TOGARAM2: variants seen among roughly 807,000 people sequenced by gnomAD.
TOGARAM2 encodes TOG array regulator of axonemal microtubules protein 2.
In TOGARAM2, 85 loss-of-function variants were observed where a neutral mutation model predicts 93.3. The ratio of observed to expected loss-of-function variants is 0.91; its 90% CI spans 0.76 to 1.09. The LOEUF (loss-of-function observed/expected upper bound fraction) is 1.09, where lower values mean the gene tolerates loss of function less well. TOGARAM2 is among the 50% of genes least tolerant of loss of function. The pLI, the probability that TOGARAM2 is intolerant of heterozygous loss-of-function variation, is 0.00. For missense variants in TOGARAM2, 1,277 were observed against 1,334.5 expected (o/e 0.96, Z 0.67); for synonymous variants, 593 against 552.8 (o/e 1.07, Z -1.02).
chr2:28,967,798 CTTTTTTT>C (rs11417570), intron 1 of TOGARAM2, among the ~76,000 whole-genome samples: 5 of 78,538 alleles, frequency 6.4e-5, no homozygotes, highest in African/African-American at 1.1e-4. Context: ...ATAAGATGGT[CTTTTTTT>C]TTTTTTTTTT....
intron 8 of TOGARAM2, among the ~76,000 whole-genome samples, chr2:29,016,759 C>T (rs1664599043): frequency 6.6e-6 from 1 of 152,162 alleles, no homozygotes; most frequent in South Asian, 2.1e-4. Context: ...TGACTGTCCC[C>T]AACCAGCCAA....
At chr2:28,973,520 T>C (rs1174141854) in intron 1 of TOGARAM2, among the ~76,000 whole-genome samples, 1 of 135,428 alleles carries the variant, frequency 7.4e-6, no homozygotes, top group East Asian at 2.6e-4. Flanking sequence ...CCCTCCTTCC[T>C]GCCTTCCTGC....
chr2:29,051,676 C>G (rs1183145866), intron 19 of TOGARAM2, 80 bp from the exon 20 acceptor site: 22 of 1,251,128 alleles, frequency 1.8e-5, no homozygotes, highest in Non-Finnish European at 2.4e-5. Flanking sequence ...CTTTGGGGGA[C>G]AAAGTTGGTG....
chr2:29,023,615 C>G (rs1195514217), intron 12 of TOGARAM2, among the ~76,000 whole-genome samples: 1 of 152,138 alleles, frequency 6.6e-6, no homozygotes. Flanking sequence ...AGGCTGTGCC[C>G]TGCCCTTGGG....
chr2:29,031,050 C>T (rs1665740576), intron 14 of TOGARAM2, among the ~76,000 whole-genome samples: 2 of 152,238 alleles, frequency 1.3e-5, no homozygotes, highest in African/African-American at 2.4e-5. Context: ...TCAAGACACA[C>T]ATCCTTCCCT....
intron 9 of TOGARAM2, among the ~76,000 whole-genome samples, 188 bp downstream of exon 9, chr2:29,017,492 A>C (rs1267907505): frequency 6.6e-6 from 1 of 152,174 alleles, no homozygotes; most frequent in Non-Finnish European, 1.5e-5. Context: ...CCACAGCCTC[A>C]AACTCTTGGG....
At chr2:29,032,862 G>A (rs1302214495) in intron 14 of TOGARAM2, 72 bp from the exon 15 acceptor site, 2 of 1,264,216 alleles carry the variant, frequency 1.6e-6, no homozygotes, top group African/African-American at 1.5e-5. Context: ...GGAAGATTAT[G>A]TAAAGCTGTA....
Position 28,994,859 on chromosome 2 carries a change from G to T in TOGARAM2, c.25G>T (p.Glu9Ter). The T allele has an allele frequency of 1.3e-6, 2 of 1,552,560 alleles. No homozygotes were observed. The highest frequency in any genetic ancestry group is 2.0e-5 in the Admixed American group (1 of 51,126). The stretch of plus-strand genomic sequence containing the variant: ...CATGGGCACCCGTGACGATGTCCCC[G>T]AAGGTAAGGGGCACCATGGGAGGCC... Reference protein sequence around the residue: MGTRDDVPEAKVLVPVAVY... With the variant: MGTRDDVP The change falls in exon 2 of 20, where the codon GAA (glutamate) becomes TAA (stop). Residue 9 changes from glutamate (E) to a stop codon, truncating the protein, a stop_gained. Coordinates refer to ENST00000379558, the MANE Select transcript of TOGARAM2 (RefSeq NM_199280.4). LOFTEE classifies it high-confidence loss of function.
chr2:29,022,123 G>A (rs1664991342), intron 10 of TOGARAM2, 35 bp from the exon 11 acceptor site: 2 of 1,613,346 alleles, frequency 1.2e-6, no homozygotes, highest in Non-Finnish European at 1.7e-6. Context: ...CTGTCCTGCT[G>A]CGTGAAGCCT....
rs141739902 is a variant in TOGARAM2, at chr2:29,051,840, C to T, written c.2807C>T (p.Ala936Val). 25,721 of 1,566,846 alleles carry T rather than the reference C, an allele frequency of 0.016. 276 individuals carry two copies. The highest frequency in any genetic ancestry group is 0.019 in the Non-Finnish European group (22,152 of 1,155,928). The change falls in exon 20 of 20, where the codon GCC becomes GTC. Residue 936 changes from alanine (A) to valine (V), a missense_variant. Ala to Val is a moderately conservative substitution (Grantham distance 64). Coordinates refer to ENST00000379558, the MANE Select transcript of TOGARAM2 (RefSeq NM_199280.4). The stretch of plus-strand genomic sequence containing the variant: ...ATCCTCTGGCACTTCCTGAACACCG[C>T]CACCAGGAATGGCACCCTGCCTGGA... ...LPILWHFLNT[A>V]TRNGTLPGPS... is the part of the protein sequence containing the mutation.
intron 1 of TOGARAM2, among the ~76,000 whole-genome samples, chr2:28,973,453 T>TCCTTCCTTCCTTCCTTCCTTCCTG (rs143947941): frequency 2.1e-5 from 2 of 93,880 alleles, no homozygotes; most frequent in African/African-American, 4.9e-5. Flanking sequence ...CTTCCTTCCT[T>TCCTTCCTTCCTTCCTTCCTTCCTG]CCTTCCTTCC....
chr2:29,014,664 G>C (rs1664448638), intron 8 of TOGARAM2, 103 bp downstream of exon 8: 2 of 1,438,542 alleles, frequency 1.4e-6, no homozygotes, highest in Non-Finnish European at 1.9e-6. Flanking sequence ...ACCAGCCACA[G>C]AGCAGAGCAA....
intron 6 of TOGARAM2, among the ~76,000 whole-genome samples, chr2:29,004,989 TGA>T (rs1301189032): frequency 3.1e-5 from 4 of 128,348 alleles, no homozygotes; most frequent in Admixed American, 8.3e-5. Flanking sequence ...TGTATGTGTG[TGA>T]GTGCATGTGT....
At chr2:28,979,817 C>T (rs4594402), upstream of TOGARAM2, among the ~76,000 whole-genome samples, 24,129 of 152,134 alleles carry the variant, frequency 0.16, 2,043 homozygotes, top group South Asian at 0.19. Flanking sequence ...CAGCAGGGCA[C>T]GGCCATCGGA....
chr2:29,049,226 C>T (rs1013275804), intron 19 of TOGARAM2: 6 of 152,220 alleles, frequency 3.9e-5, no homozygotes, highest in African/African-American at 1.2e-4. Flanking sequence ...GTCTTGAACT[C>T]TTGACCTCAA....
At chr2:29,000,809 G>T (rs1673248690) in intron 4 of TOGARAM2, among the ~76,000 whole-genome samples, 1 of 152,160 alleles carries the variant, frequency 6.6e-6, no homozygotes, top group Non-Finnish European at 1.5e-5. Flanking sequence ...GAATTGTCCT[G>T]GCTGCACATT....
Position 29,003,520 on chromosome 2 carries a change from G to T in TOGARAM2, c.668G>T (p.Cys223Phe). 6.3e-7 allele frequency: 1 copy of T among 1,581,888 alleles called. No individual in the cohort carries two copies. Among genetic ancestry groups the T allele is most frequent in the Non-Finnish European group, 8.6e-7 (1 of 1,164,860 alleles). ...EAQISWQYLH[C>F]NDEKMQKSLG... ...CAGATCTCCTGGCAATACCTGCACT[G>T]CAATGATGAGAAGATGCAGAAGTCC... is the stretch of plus-strand genomic sequence containing the variant. Residue 223 changes from cysteine (C) to phenylalanine (F), a missense_variant, in exon 6 of 20, where the codon TGC becomes TTC. Cys to Phe is a radical substitution (Grantham distance 205). Transcript: ENST00000379558.
intron 1 of TOGARAM2, among the ~76,000 whole-genome samples, chr2:28,967,798 C>CTTTT (rs11417570): frequency 0.063 from 4,981 of 78,576 alleles, 527 homozygotes; most frequent in East Asian, 0.077. Flanking sequence ...ATAAGATGGT[C>CTTTT]TTTTTTTTTT....
At chr2:29,009,833 G>A (rs1396119967) in intron 6 of TOGARAM2, among the ~76,000 whole-genome samples, 1 of 152,074 alleles carries the variant, frequency 6.6e-6, no homozygotes, top group Admixed American at 6.5e-5. Flanking sequence ...TGGGTTTTCT[G>A]TGAGGTTCGC....
Sources: gnomAD v4.1 joint callset for allele counts (sites outside exome capture counted in the v4.1 genomes callset) on GRCh38, gnomAD v4.1.1 for gene constraint, MANE v1.5 for transcripts, NCBI Gene and HGNC (gene_info 2026-07-23, HGNC 2026-07-21) for gene names.